MSRA: variants seen among roughly 807,000 people sequenced by gnomAD.
MSRA encodes the protein mitochondrial peptide methionine sulfoxide reductase.
MSRA carries 54 observed loss-of-function variants against 31.3 expected under a neutral mutation model. That is an observed-to-expected ratio of 1.73 (90% confidence interval 1.39 to 2.17). The LOEUF is 2.17. MSRA is among the 30% of genes most tolerant of loss of function. The pLI is 0.00. For synonymous variants in MSRA, 169 were observed against 116.5 expected, an observed-to-expected ratio of 1.45 and a Z score of -2.90; for missense variants, 507 against 300.9, an observed-to-expected ratio of 1.69 and a Z score of -5.07.
intron 1 of MSRA, among the ~76,000 whole-genome samples, chr8:10,077,755 T>G (rs897045919): frequency 2.6e-5 from 4 of 152,202 alleles, no homozygotes; most frequent in African/African-American, 9.7e-5. Flanking sequence ...GTCCTGTCCT[T>G]CTGGAAGCCC....
chr8:10,231,044 C>A (rs924281954), intron 2 of MSRA, among the ~76,000 whole-genome samples: 1 of 152,186 alleles, frequency 6.6e-6, no homozygotes, highest in African/African-American at 2.4e-5. Context: ...CCTTGGCCTC[C>A]CAAAGTGCTG....
intron 1 of MSRA, among the ~76,000 whole-genome samples, chr8:10,061,299 A>G (rs188804647): frequency 3.9e-5 from 6 of 152,288 alleles, no homozygotes; most frequent in East Asian, 1.9e-4. Context: ...TTAAATGTCT[A>G]TTAAAGGCCT....
intron 5 of MSRA, among the ~76,000 whole-genome samples, chr8:10,378,394 C>G (rs565060978): frequency 6.6e-6 from 1 of 152,298 alleles, no homozygotes; most frequent in South Asian, 2.1e-4. Context: ...CCCATGGCAC[C>G]CCAGAAACTA....
chr8:10,354,396 A>G (rs1804382185), intron 5 of MSRA, among the ~76,000 whole-genome samples: 1 of 152,234 alleles, frequency 6.6e-6, no homozygotes, highest in Admixed American at 6.5e-5. Context: ...TAAGCGAGAG[A>G]ATCAGGTGAG....
chr8:10,147,716 C>T (rs939012643), intron 1 of MSRA, among the ~76,000 whole-genome samples: 1 of 152,166 alleles, frequency 6.6e-6, no homozygotes, highest in African/African-American at 2.4e-5. Context: ...TGCTCAACCA[C>T]CAGCTCACAG....
intron 2 of MSRA, among the ~76,000 whole-genome samples, chr8:10,242,115 C>A (rs1034955157): frequency 1.3e-5 from 2 of 151,936 alleles, no homozygotes; most frequent in Admixed American, 6.6e-5. Context: ...CTACTAAAAA[C>A]ACAGAATTAG....
At chr8:10,306,746 C>T (rs933803461) in intron 4 of MSRA, among the ~76,000 whole-genome samples, 4 of 152,092 alleles carry the variant, frequency 2.6e-5, no homozygotes, top group Non-Finnish European at 4.4e-5. Context: ...CCTAGTCCTG[C>T]GTGGGACTCG....
At chr8:10,111,163 G>C (rs2129013371) in intron 1 of MSRA, among the ~76,000 whole-genome samples, 1 of 152,244 alleles carries the variant, frequency 6.6e-6, no homozygotes, top group South Asian at 2.1e-4. Flanking sequence ...TGATCATTTG[G>C]ACCTGGCTTT....
chr8:10,413,609 A>C (rs1442120533), intron 5 of MSRA, among the ~76,000 whole-genome samples: 1 of 151,742 alleles, frequency 6.6e-6, no homozygotes. Flanking sequence ...TTAAAAGAAA[A>C]TGTTAGAGTA....
At chr8:10,398,537 C>A (rs371052376) in intron 5 of MSRA, among the ~76,000 whole-genome samples, 16 of 152,332 alleles carry the variant, frequency 1.1e-4, no homozygotes, top group African/African-American at 3.8e-4. Flanking sequence ...TCAGTGCCAG[C>A]AGAAAAACAG....
intron 1 of MSRA, among the ~76,000 whole-genome samples, chr8:10,149,745 C>A (rs932690532): frequency 6.7e-6 from 1 of 149,172 alleles, no homozygotes; most frequent in Non-Finnish European, 1.5e-5. Context: ...CCATGAAATA[C>A]GTAAATAATA....
At chr8:10,427,886 G>A (rs1039159800) in intron 5 of MSRA, among the ~76,000 whole-genome samples, 4 of 152,206 alleles carry the variant, frequency 2.6e-5, no homozygotes, top group Non-Finnish European at 5.9e-5. Context: ...GGGATGGCAG[G>A]GGTGTGGGGG....
At chr8:10,108,421 C>G (rs1800042257) in intron 1 of MSRA, among the ~76,000 whole-genome samples, 1 of 152,186 alleles carries the variant, frequency 6.6e-6, no homozygotes, top group Admixed American at 6.5e-5. Flanking sequence ...GAAGGAGGAG[C>G]CTGAATGTCA....
chr8:10,170,553 A>T (rs1244198761), intron 1 of MSRA, among the ~76,000 whole-genome samples: 1 of 152,214 alleles, frequency 6.6e-6, no homozygotes, highest in African/African-American at 2.4e-5. Context: ...CGAAACTTGG[A>T]TCAAAAATGT....
intron 5 of MSRA, among the ~76,000 whole-genome samples, chr8:10,409,039 G>C (rs919808492): frequency 9.2e-5 from 14 of 152,202 alleles, no homozygotes; most frequent in Non-Finnish European, 1.9e-4. Flanking sequence ...CTGAGTGCAG[G>C]TGTCTTTTTC....
chr8:10,263,632 C>G (rs1798595616), intron 3 of MSRA, among the ~76,000 whole-genome samples: 1 of 152,124 alleles, frequency 6.6e-6, no homozygotes, highest in Admixed American at 6.5e-5. Flanking sequence ...TGAAACTGGC[C>G]CTGGCTTCAT....
chr8:10,187,122 G>T (rs1807122980), intron 1 of MSRA, among the ~76,000 whole-genome samples: 1 of 152,160 alleles, frequency 6.6e-6, no homozygotes, highest in Admixed American at 6.5e-5. Flanking sequence ...TGCTACAGAG[G>T]ATTGTTTTAG....
intron 1 of MSRA, among the ~76,000 whole-genome samples, chr8:10,107,316 C>T (rs958765744): frequency 1.3e-5 from 2 of 151,782 alleles, no homozygotes; most frequent in Non-Finnish European, 2.9e-5. Flanking sequence ...AAAATAAACA[C>T]TCTAGAGTTT....
chr8:10,251,832 A>G (rs935435226), intron 3 of MSRA, among the ~76,000 whole-genome samples: 2 of 150,276 alleles, frequency 1.3e-5, no homozygotes, highest in Non-Finnish European at 3.0e-5. Flanking sequence ...CTTCTCTACC[A>G]TCGGCACCCC....
Sources: allele counts gnomAD v4.1 joint callset (sites outside exome capture counted in the v4.1 genomes callset), GRCh38; gene constraint gnomAD v4.1.1; transcripts MANE v1.5; gene names NCBI Gene and HGNC (gene_info 2026-07-23, HGNC 2026-07-21).